ALPK3: variants seen among roughly 807,000 people sequenced by gnomAD.
ALPK3 encodes alpha-protein kinase 3.
In ALPK3, 102 loss-of-function variants were observed where a neutral mutation model predicts 140.0. The observed-to-expected ratio is 0.73, with a 90% CI of 0.62 to 0.86. ALPK3 has a LOEUF of 0.86. ALPK3 is among the 40% of genes least tolerant of loss of function. ALPK3 has a pLI of 0.00. For synonymous variants in ALPK3, 938 were observed against 898.5 expected, an observed-to-expected ratio of 1.04 and a Z score of -0.79; for missense variants, 2,254 against 2,208.2, an observed-to-expected ratio of 1.02 and a Z score of -0.42.
chr15:84,831,013 G>A (rs1466201399), intron 3 of ALPK3, among the ~76,000 whole-genome samples: 5 of 152,122 alleles, frequency 3.3e-5, no homozygotes, highest in African/African-American at 7.2e-5. Context: ...CACTGTGCCC[G>A]GCCTCTTTTT....
chr15:84,859,112 G>T (rs1963906113), intron 6 of ALPK3, 131 bp from the exon 7 acceptor site: 5 of 1,266,296 alleles, frequency 3.9e-6, no homozygotes, highest in Non-Finnish European at 5.4e-6. Flanking sequence ...CCGGGGGGCT[G>T]TGAGTGGTAG....
At chr15:84,841,590 CAG>C (rs1329668946) in intron 5 of ALPK3, among the ~76,000 whole-genome samples, 1 of 152,160 alleles carries the variant, frequency 6.6e-6, no homozygotes, top group African/African-American at 2.4e-5. Context: ...TGGTGGGAAA[CAG>C]AGGCAAAGTG....
intron 3 of ALPK3, among the ~76,000 whole-genome samples, chr15:84,831,537 C>A (rs1456665057): frequency 6.6e-6 from 1 of 152,186 alleles, no homozygotes; most frequent in Non-Finnish European, 1.5e-5. Flanking sequence ...TAGCATCCTG[C>A]ACTTTTCATG....
In ALPK3 at chr15:84,864,462, T is replaced by A. The variant is rs766445582; in HGVS notation, c.4520T>A (p.Ile1507Asn). Residue 1507 changes from isoleucine to asparagine, a missense_variant, in exon 12 of 14, where the codon ATC (isoleucine) becomes AAC (asparagine). Around this residue, in one of 3 missense-constraint regions of ALPK3, gnomAD observed 2,088 missense variants for 2,022.9 expected, o/e 1.03. Coordinates refer to ENST00000258888, the MANE Select transcript of ALPK3 (RefSeq NM_020778.5). ...EVPEIIPLYL[I>N]YRPANNIPYA... ...TTTAGGATCATCCCACTGTATCTGA[T>A]CTACCGGCCTGCAAACAATATCCCA... 2 of 1,614,156 alleles carry A rather than the reference T, an allele frequency of 1.2e-6. No homozygotes were observed. Among genetic ancestry groups the A allele is most frequent in the Admixed American group, 3.3e-5 (2 of 60,022 alleles).
chr15:84,866,289 A>G (rs1964003174), intron 12 of ALPK3, among the ~76,000 whole-genome samples: 1 of 152,250 alleles, frequency 6.6e-6, no homozygotes, highest in Non-Finnish European at 1.5e-5. Context: ...TTCAGACACT[A>G]AGTTAGAGTC....
chr15:84,841,709 A>G (rs1481066058), intron 5 of ALPK3, among the ~76,000 whole-genome samples: 6 of 152,170 alleles, frequency 3.9e-5, no homozygotes, highest in African/African-American at 1.4e-4. Flanking sequence ...TCCACTCCCC[A>G]AAGAGGCAGA....
In ALPK3 at chr15:84,857,975, G is replaced by A; in HGVS notation, c.3237G>A (p.Glu1079=). ...TCCCTGCCATTGTGGTAGACGAGGA[G>A]GACCCTGGGCTGGCCTCAGAAGGAG... is the stretch of plus-strand genomic sequence containing the variant. ...LTVPAIVVDE[E]DPGLASEGAS... Residue 1079 remains glutamate (E), a synonymous_variant, in exon 6 of 14, where the codon GAG becomes GAA. Transcript: ENST00000258888. 6.2e-7 allele frequency: 1 copy of A among 1,606,806 alleles called. No homozygotes were observed. Among genetic ancestry groups the A allele is most frequent in the Non-Finnish European group, 8.5e-7 (1 of 1,177,018 alleles).
At chr15:84,860,992 T>A (rs1324967032) in intron 9 of ALPK3, among the ~76,000 whole-genome samples, 1 of 152,232 alleles carries the variant, frequency 6.6e-6, no homozygotes, top group Non-Finnish European at 1.5e-5. Context: ...AAAGTGCCAA[T>A]TAGTGACTTT....
chr15:84,861,873 C>T (rs1963949534), intron 9 of ALPK3, among the ~76,000 whole-genome samples: 1 of 152,132 alleles, frequency 6.6e-6, no homozygotes, highest in Non-Finnish European at 1.5e-5. Context: ...GTTGTTGCAA[C>T]TATGAATACA....
chr15:84,862,056 A>T (rs1304508853), intron 9 of ALPK3, among the ~76,000 whole-genome samples: 1 of 152,130 alleles, frequency 6.6e-6, no homozygotes, highest in Non-Finnish European at 1.5e-5. Flanking sequence ...ACGATATTTC[A>T]GGTCCTTGCT....
In ALPK3 at chr15:84,858,210, G is replaced by A. The variant is rs759955973; in HGVS notation, c.3472G>A (p.Glu1158Lys). Residue 1158 changes from glutamate to lysine, a missense_variant, in exon 6 of 14, where the codon GAA (glutamate) becomes AAA (lysine). By Grantham distance (56) the Glu-to-Lys change is moderately conservative. Transcript: ENST00000258888. ...AGGTCTCCCGGCAGCTACACCTGAG[G>A]AACTGGCTCTAGGGGCCCGGAGGAA... ...LTGLPAATPE[E>K]LALGARRKRF... The A allele has an allele frequency of 5.0e-6, 8 of 1,612,520 alleles. No individual in the cohort carries two copies. In the South Asian group the frequency reaches 6.6e-5, roughly 13 times the overall value.
intron 2 of ALPK3, among the ~76,000 whole-genome samples, chr15:84,825,258 C>A (rs892655573): frequency 6.6e-6 from 1 of 151,850 alleles, no homozygotes; most frequent in Admixed American, 6.6e-5. Context: ...CTCACTGCAA[C>A]CTCTGCCTGC....
Position 84,840,962 on chromosome 15 carries a change from C to G in ALPK3, c.1653+30C>G, listed in dbSNP as rs368231632. ...GTGTGGGTGTTGGGTGCCTGGAGGC[C>G]GCTCTGGGAAGCTGACCTCATGGAA... On this transcript the variant is annotated intron_variant, in intron 5 of 13. Transcript: ENST00000258888. 1.5e-4 allele frequency: 233 copies of G among 1,527,650 alleles called. No individual in the cohort carries two copies. The Middle Eastern group carries it at 2.7e-3, about 18-fold the overall frequency. The allele number at this position is 1,527,650 out of a possible 1,614,324, so 94.6% of individuals were successfully genotyped here. A position where few individuals can be genotyped will look rare whatever the true frequency, so the allele number is the denominator to read the frequency against.
chr15:84,871,145 G>C lies in ALPK3; in HGVS notation c.*2689G>C, dbSNP rs527924313. On this transcript the variant is annotated 3_prime_UTR_variant, in exon 14 of 14. Coordinates refer to ENST00000258888, the MANE Select transcript of ALPK3 (RefSeq NM_020778.5). The stretch of plus-strand genomic sequence containing the variant: ...TAACCCAGCAAGAATGGAAGAATGG[G>C]TAAAGTCTACAGTCCATTTCTAGAA... 6.6e-6 allele frequency: 1 copy of C among 152,604 alleles called. No homozygotes were observed. Among genetic ancestry groups the C allele is most frequent in the Non-Finnish European group, 1.5e-5 (1 of 68,036 alleles). The allele number at this position is 152,604 out of a possible 1,614,324, so 9.5% of individuals were successfully genotyped here.
In ALPK3 at chr15:84,856,656, C is replaced by T; in HGVS notation, c.1918C>T (p.Gln640Ter). 6.2e-7 allele frequency: 1 copy of T among 1,614,064 alleles called. No individual in the cohort carries two copies. The highest frequency in any genetic ancestry group is 8.5e-7 in the Non-Finnish European group (1 of 1,180,026). The change falls in exon 6 of 14, where the codon CAG becomes TAG. Residue 640 changes from glutamine (Q) to a stop codon, truncating the protein, a stop_gained. Transcript: ENST00000258888. LOFTEE classifies it high-confidence loss of function. ...AQRTRADRKTQVDAGTQESKR... is the reference protein window; with the variant it reads ...AQRTRADRKT ...GAGGACACGTGCAGATAGGAAGACG[C>T]AGGTGGATGCTGGGACACAAGAAAG... is the stretch of plus-strand genomic sequence containing the variant.
chr15:84,841,510 G>A (rs773140416), intron 5 of ALPK3, among the ~76,000 whole-genome samples: 2 of 152,194 alleles, frequency 1.3e-5, no homozygotes, highest in African/African-American at 2.4e-5. Context: ...TACCTACTTC[G>A]TAGGGCTGTT....
chr15:84,866,603 A>G (rs1283354667), intron 12 of ALPK3, among the ~76,000 whole-genome samples: 3 of 152,248 alleles, frequency 2.0e-5, no homozygotes, highest in Non-Finnish European at 2.9e-5. Context: ...GGGTGGCCTG[A>G]GCACAGTGAA....
At chr15:84,827,223 G>T (rs1219848856) in intron 2 of ALPK3, among the ~76,000 whole-genome samples, 1 of 152,214 alleles carries the variant, frequency 6.6e-6, no homozygotes, top group Non-Finnish European at 1.5e-5. Context: ...TTGTAGACTG[G>T]CATGCTCAGG....
intron 8 of ALPK3, 64 bp from the exon 9 acceptor site, chr15:84,859,973 G>T (rs1963923446): frequency 6.2e-7 from 1 of 1,613,988 alleles, no homozygotes; most frequent in Non-Finnish European, 8.5e-7. Flanking sequence ...AGTCATCTTT[G>T]AGAGAAGGCA....
Sources: allele counts gnomAD v4.1 joint callset (sites outside exome capture counted in the v4.1 genomes callset), GRCh38; gene constraint gnomAD v4.1.1; regional missense constraint gnomAD v4.1.1; transcripts MANE v1.5; gene names NCBI Gene and HGNC (gene_info 2026-07-23, HGNC 2026-07-21).